Variants in CSMD1 observed in about 807,000 individuals in gnomAD.
The protein encoded by CSMD1 is CUB and sushi domain-containing protein 1.
A neutral mutation model predicts 417.5 loss-of-function variants in CSMD1; 213 were observed. That is an observed-to-expected ratio of 0.51 (90% CI 0.46 to 0.57). CSMD1 has a LOEUF of 0.57. Among genes scored for constraint, CSMD1 ranks in the 20% least tolerant of loss-of-function variants. The pLI, the probability that CSMD1 is intolerant of heterozygous loss-of-function variation, is 0.00. For synonymous variants in CSMD1, 2,862 were observed against 1,736.8 expected (o/e 1.65, Z -16.11); for missense variants, 6,923 against 4,529.7 (o/e 1.53, Z -15.17).
chr8:4,326,503 G>T (rs547134713), intron 3 of CSMD1, among the ~76,000 whole-genome samples: 1 of 152,296 alleles, frequency 6.6e-6, no homozygotes, highest in Admixed American at 6.5e-5. Flanking sequence ...AGGAAAAAAG[G>T]TCCATAAACG....
At chr8:3,176,523 T>TA (rs1210162827) in intron 37 of CSMD1, among the ~76,000 whole-genome samples, 3 of 152,134 alleles carry the variant, frequency 2.0e-5, no homozygotes, top group African/African-American at 7.2e-5. Context: ...CTAAGACCCT[T>TA]AAAATCTCTA....
intron 1 of CSMD1, among the ~76,000 whole-genome samples, chr8:4,969,652 G>A (rs986791899): frequency 6.6e-6 from 1 of 151,900 alleles, no homozygotes; most frequent in African/African-American, 2.4e-5. Flanking sequence ...TTCATTTTGA[G>A]CCCATTGATT....
At chr8:3,488,949 G>A (rs1427884673) in intron 11 of CSMD1, among the ~76,000 whole-genome samples, 1 of 152,076 alleles carries the variant, frequency 6.6e-6, no homozygotes, top group Admixed American at 6.5e-5. Flanking sequence ...ATGTATTTAA[G>A]TCAATATCTT....
chr8:3,749,918 C>G (rs1797248713), intron 6 of CSMD1, among the ~76,000 whole-genome samples: 1 of 152,084 alleles, frequency 6.6e-6, no homozygotes, highest in African/African-American at 2.4e-5. Flanking sequence ...TGTAGCTACT[C>G]ATTTCTGTTG....
chr8:3,209,864 A>G (rs1331272759), intron 30 of CSMD1, among the ~76,000 whole-genome samples: 1 of 152,214 alleles, frequency 6.6e-6, no homozygotes, highest in African/African-American at 2.4e-5. Flanking sequence ...GAATATATAC[A>G]TCTCGTACAT....
intron 26 of CSMD1, among the ~76,000 whole-genome samples, chr8:3,273,080 G>C (rs1013012051): frequency 5.9e-5 from 9 of 152,120 alleles, no homozygotes; most frequent in African/African-American, 1.9e-4. Context: ...GTTATAGATA[G>C]CTCTTATTAT....
chr8:4,707,042 G>A lies in CSMD1; in HGVS notation c.86-69484C>T, dbSNP rs980175744. ...ATGTCATTGACAGATCTAACTTAAGGACTTAAGGTGATCAGATCTGAGATT... is the reference window on the plus strand; with the variant it reads ...ATGTCATTGACAGATCTAACTTAAGAACTTAAGGTGATCAGATCTGAGATT... On this transcript the variant is annotated intron_variant, in intron 1 of 69. Transcript: ENST00000635120. Among the ~76,000 whole-genome samples, 3 of 152,294 alleles carry A rather than the reference G, an allele frequency of 2.0e-5. No individual in the cohort carries two copies. The South Asian group carries it at 6.2e-4, about 32-fold the overall frequency.
chr8:4,048,563 T>C (rs1395624419), intron 3 of CSMD1, among the ~76,000 whole-genome samples: 1 of 152,196 alleles, frequency 6.6e-6, no homozygotes, highest in African/African-American at 2.4e-5. Context: ...AGCCAGGATT[T>C]GACCTGAGGT....
intron 10 of CSMD1, among the ~76,000 whole-genome samples, chr8:3,557,365 G>A (rs1054097858): frequency 2.6e-5 from 4 of 152,066 alleles, no homozygotes; most frequent in Non-Finnish European, 4.4e-5. Flanking sequence ...TCCAAACTTG[G>A]CCATTATTAC....
At chr8:3,753,890 C>G in intron 6 of CSMD1, 40 bp downstream of exon 6, 1 of 1,357,254 alleles carries the variant, frequency 7.4e-7, no homozygotes. Context: ...ATATATTACG[C>G]TCTGTTTTTT....
intron 2 of CSMD1, among the ~76,000 whole-genome samples, chr8:4,623,771 T>G (rs948412998): frequency 6.6e-6 from 1 of 152,102 alleles, no homozygotes; most frequent in African/African-American, 2.4e-5. Flanking sequence ...ATTTGGCATA[T>G]ATAATATTTC....
intron 5 of CSMD1, among the ~76,000 whole-genome samples, chr8:3,892,595 C>G (rs1222060734): frequency 6.6e-6 from 1 of 152,060 alleles, no homozygotes; most frequent in Non-Finnish European, 1.5e-5. Context: ...AATCTGTTCT[C>G]TCCCCACTCC....
intron 3 of CSMD1, among the ~76,000 whole-genome samples, chr8:4,046,867 C>G (rs1027271781): frequency 6.6e-6 from 1 of 152,040 alleles, no homozygotes. Context: ...TTCCAGGAGC[C>G]CCACAGAGAA....
chr8:4,495,836 A>G (rs1422612155), intron 2 of CSMD1, among the ~76,000 whole-genome samples: 2 of 152,184 alleles, frequency 1.3e-5, no homozygotes, highest in Admixed American at 1.3e-4. Flanking sequence ...ATCAACAAAT[A>G]TTAGAATTAT....
intron 36 of CSMD1, among the ~76,000 whole-genome samples, chr8:3,186,057 CT>C (rs1310509383): frequency 1.3e-5 from 2 of 149,754 alleles, no homozygotes; most frequent in East Asian, 3.9e-4. Context: ...AAAAGTGTGA[CT>C]TTTTTCCCTC....
At chr8:3,870,394 C>T (rs566821041) in intron 5 of CSMD1, among the ~76,000 whole-genome samples, 1 of 152,062 alleles carries the variant, frequency 6.6e-6, no homozygotes, top group African/African-American at 2.4e-5. Flanking sequence ...TTTCCCCCAG[C>T]TATGCACATA....
intron 3 of CSMD1, among the ~76,000 whole-genome samples, chr8:4,411,439 A>G (rs1796645250): frequency 6.6e-6 from 1 of 152,176 alleles, no homozygotes. Context: ...AAGGACTTTT[A>G]ATTACTTGGT....
intron 3 of CSMD1, among the ~76,000 whole-genome samples, chr8:4,087,252 G>A (rs974186928): frequency 1.3e-5 from 2 of 152,138 alleles, no homozygotes; most frequent in Non-Finnish European, 2.9e-5. Flanking sequence ...CATGGCCATG[G>A]TTTCACAGTT....
intron 1 of CSMD1, among the ~76,000 whole-genome samples, chr8:4,764,484 C>A (rs917478226): frequency 6.6e-6 from 1 of 151,896 alleles, no homozygotes. Flanking sequence ...AGTATTAAGT[C>A]GAGAAGACAA....
Sources: allele counts gnomAD v4.1 joint callset (sites outside exome capture counted in the v4.1 genomes callset), GRCh38; gene constraint gnomAD v4.1.1; transcripts MANE v1.5; gene names NCBI Gene and HGNC (gene_info 2026-07-23, HGNC 2026-07-21).